PAK5: variants seen among roughly 807,000 people sequenced by gnomAD.
PAK5 encodes serine/threonine-protein kinase PAK 5.
In PAK5, 16 loss-of-function variants were observed where a neutral mutation model predicts 65.9. That is an observed-to-expected ratio of 0.24 (90% CI 0.16 to 0.37). PAK5 has a LOEUF of 0.37. Ranked by LOEUF, PAK5 falls within the 10% of genes least tolerant of loss-of-function variation. The pLI is 1.00. For synonymous variants in PAK5, 371 were observed against 354.9 expected, an observed-to-expected ratio of 1.05 and a Z score of -0.51; for missense variants, 785 against 903.9, an observed-to-expected ratio of 0.87 and a Z score of 1.69.
chr20:9,751,080 T>G (rs1361538490), intron 1 of PAK5, among the ~76,000 whole-genome samples: 1 of 152,188 alleles, frequency 6.6e-6, no homozygotes, highest in Non-Finnish European at 1.5e-5. Context: ...GCAATGTGTT[T>G]CCAAATTAGT....
At chr20:9,665,172 G>C (rs1341603720) in intron 2 of PAK5, among the ~76,000 whole-genome samples, 1 of 139,640 alleles carries the variant, frequency 7.2e-6, no homozygotes, top group Admixed American at 7.9e-5. Flanking sequence ...CTCCCACCTT[G>C]GCCTCCCAAA....
chr20:9,606,192 C>A (rs1285747414), intron 3 of PAK5, among the ~76,000 whole-genome samples: 1 of 152,102 alleles, frequency 6.6e-6, no homozygotes, highest in Non-Finnish European at 1.5e-5. Context: ...AGTGAGTTCT[C>A]ACAAGATCTC....
chr20:9,570,249 A>C (rs1305392766), intron 4 of PAK5, among the ~76,000 whole-genome samples: 1 of 152,210 alleles, frequency 6.6e-6, no homozygotes, highest in Non-Finnish European at 1.5e-5. Flanking sequence ...ATGCAAAATA[A>C]AATAAATAGT....
chr20:9,732,877 T>A (rs184022923), intron 1 of PAK5, among the ~76,000 whole-genome samples: 42 of 152,342 alleles, frequency 2.8e-4, no homozygotes, highest in African/African-American at 9.4e-4. Context: ...GAAATGGTGC[T>A]TGCGTAGACA....
chr20:9,712,133 C>T (rs980496700), intron 1 of PAK5, among the ~76,000 whole-genome samples: 7 of 152,132 alleles, frequency 4.6e-5, no homozygotes, highest in Admixed American at 1.3e-4. Context: ...GTCAGCCCTA[C>T]ACTATGGGGC....
chr20:9,758,945 C>A (rs900317411), intron 1 of PAK5, among the ~76,000 whole-genome samples: 9 of 152,006 alleles, frequency 5.9e-5, no homozygotes, highest in Non-Finnish European at 1.3e-4. Flanking sequence ...GGTTTCAGAG[C>A]CCACTGAGTG....
At chr20:9,602,505 T>C (rs2046380014) in intron 3 of PAK5, among the ~76,000 whole-genome samples, 1 of 152,102 alleles carries the variant, frequency 6.6e-6, no homozygotes, top group African/African-American at 2.4e-5. Flanking sequence ...TGTCATGAAT[T>C]AATTATCTTT....
chr20:9,722,983 C>T (rs1173204817), intron 1 of PAK5, among the ~76,000 whole-genome samples: 2 of 152,090 alleles, frequency 1.3e-5, no homozygotes, highest in East Asian at 3.9e-4. Flanking sequence ...CTCCCCCCCT[C>T]ATTCTCCCAA....
In PAK5 at chr20:9,680,061, C is replaced by T. The variant is rs539697617; in HGVS notation, c.-12+31225G>A. Among the ~76,000 whole-genome samples the T allele has an allele frequency of 3.9e-5, 6 of 152,266 alleles. No individual in the cohort carries two copies. In the East Asian group the frequency reaches 5.8e-4, roughly 15 times the overall value. The stretch of plus-strand genomic sequence containing the variant: ...TTTTTCAAAACCTACCTATGTGATC[C>T]GTTCAGGCAGCCTTGTGCTGAGAGC... On this transcript the variant is annotated intron_variant, in intron 2 of 9. Coordinates refer to ENST00000353224, the MANE Select transcript of PAK5 (RefSeq NM_177990.4).
At chr20:9,576,194 G>A (rs2045882341) in intron 4 of PAK5, among the ~76,000 whole-genome samples, 1 of 152,064 alleles carries the variant, frequency 6.6e-6, no homozygotes, top group African/African-American at 2.4e-5. Context: ...TCCTTATTTT[G>A]TACATAAAGA....
At chr20:9,764,008 A>G (rs527909552) in intron 1 of PAK5, among the ~76,000 whole-genome samples, 2 of 152,310 alleles carry the variant, frequency 1.3e-5, no homozygotes, top group South Asian at 4.1e-4. Context: ...ACTATGACAT[A>G]CTAATTGCAT....
At chr20:9,660,088 C>T (rs2047323974) in intron 2 of PAK5, among the ~76,000 whole-genome samples, 1 of 152,082 alleles carries the variant, frequency 6.6e-6, no homozygotes, top group Admixed American at 6.6e-5. Context: ...AAGATGCCCA[C>T]TTCTATTGTA....
At chr20:9,776,145 C>A (rs1254443354) in intron 1 of PAK5, among the ~76,000 whole-genome samples, 1 of 152,146 alleles carries the variant, frequency 6.6e-6, no homozygotes, top group East Asian at 1.9e-4. Flanking sequence ...TCATAGCATT[C>A]TTGTGAAGCA....
intron 1 of PAK5, among the ~76,000 whole-genome samples, chr20:9,759,793 T>C (rs1569625): frequency 0.19 from 28,630 of 152,144 alleles, 3,070 homozygotes; most frequent in East Asian, 0.29. Context: ...GTCTCAGGAA[T>C]GTTGGGTCAT....
intron 1 of PAK5, among the ~76,000 whole-genome samples, chr20:9,786,355 TGTC>T (rs1272721293): frequency 6.6e-6 from 1 of 152,114 alleles, no homozygotes; most frequent in Non-Finnish European, 1.5e-5. Flanking sequence ...AACATTTACA[TGTC>T]GTGGATGATT....
chr20:9,733,897 A>C (rs2048360941), intron 1 of PAK5, among the ~76,000 whole-genome samples: 1 of 152,230 alleles, frequency 6.6e-6, no homozygotes, highest in Non-Finnish European at 1.5e-5. Flanking sequence ...TACAAAAGTA[A>C]AAATAAAAAT....
At chr20:9,777,628 G>A (rs746003687) in intron 1 of PAK5, among the ~76,000 whole-genome samples, 1 of 152,038 alleles carries the variant, frequency 6.6e-6, no homozygotes, top group Non-Finnish European at 1.5e-5. Context: ...ATAGCAGGGC[G>A]GTAGAAATCA....
chr20:9,748,143 C>T (rs530657873), intron 1 of PAK5, among the ~76,000 whole-genome samples: 4 of 152,040 alleles, frequency 2.6e-5, no homozygotes, highest in East Asian at 1.9e-4. Context: ...CGTGAAGGAC[C>T]TCTTCAAGGA....
At chr20:9,670,426 A>C (rs2047480318) in intron 2 of PAK5, among the ~76,000 whole-genome samples, 1 of 152,164 alleles carries the variant, frequency 6.6e-6, no homozygotes, top group Non-Finnish European at 1.5e-5. Flanking sequence ...CATCCTCTCC[A>C]GCACCTGTTG....
Sources: gnomAD v4.1 joint callset for allele counts (sites outside exome capture counted in the v4.1 genomes callset) on GRCh38, gnomAD v4.1.1 for gene constraint, MANE v1.5 for transcripts, NCBI Gene and HGNC (gene_info 2026-07-23, HGNC 2026-07-21) for gene names.